TMEM232: variants seen among roughly 807,000 people sequenced by gnomAD.
The protein encoded by TMEM232 is transmembrane protein 232.
TMEM232 carries 80 observed loss-of-function variants against 78.8 expected under a neutral mutation model. The ratio of observed to expected loss-of-function variants is 1.01; its 90% CI spans 0.85 to 1.22. The LOEUF is 1.22. Among genes scored for constraint, TMEM232 ranks in the 50% most tolerant of loss-of-function variants. TMEM232 has a pLI of 0.00. For missense variants in TMEM232, 881 were observed against 742.2 expected (o/e 1.19, Z -2.17); for synonymous variants, 297 against 254.3 (o/e 1.17, Z -1.60).
chr5:110,680,411 A>AAG (rs1296805488), intron 1 of TMEM232, among the ~76,000 whole-genome samples: 1 of 150,486 alleles, frequency 6.6e-6, no homozygotes, highest in African/African-American at 2.4e-5. Flanking sequence ...AAAAAAAAAA[A>AAG]AAAAAAAAAA....
intron 1 of TMEM232, among the ~76,000 whole-genome samples, chr5:110,692,350 C>A (rs1794225648): frequency 6.6e-6 from 1 of 152,198 alleles, no homozygotes; most frequent in African/African-American, 2.4e-5. Context: ...AGCAGCAGCT[C>A]CAGTCTACAG....
intron 2 of TMEM232, among the ~76,000 whole-genome samples, chr5:110,406,848 G>A (rs184513436): frequency 1.2e-4 from 18 of 152,160 alleles, no homozygotes; most frequent in African/African-American, 3.8e-4. Flanking sequence ...GTGGAAATGA[G>A]GTTAGATTGT....
At chr5:110,556,896 C>A (rs1775154418) in intron 11 of TMEM232, among the ~76,000 whole-genome samples, 1 of 152,060 alleles carries the variant, frequency 6.6e-6, no homozygotes, top group Admixed American at 6.6e-5. Flanking sequence ...CACATAGTTG[C>A]TCTGAATTTG....
chr5:110,407,888 C>A (rs1256678173), intron 2 of TMEM232, among the ~76,000 whole-genome samples: 1 of 151,990 alleles, frequency 6.6e-6, no homozygotes, highest in East Asian at 1.9e-4. Context: ...AAAATACAGA[C>A]AAGATTAGAT....
At chr5:110,733,999 TA>T (rs544058172) in intron 2 of TMEM232, among the ~76,000 whole-genome samples, 67 of 152,214 alleles carry the variant, frequency 4.4e-4, no homozygotes, top group Non-Finnish European at 9.3e-4. Flanking sequence ...TTAAACTTAC[TA>T]AAAGATAAAA....
At chr5:110,594,238 C>T (rs530050329) in intron 10 of TMEM232, among the ~76,000 whole-genome samples, 2 of 151,902 alleles carry the variant, frequency 1.3e-5, no homozygotes, top group Non-Finnish European at 2.9e-5. Flanking sequence ...GGAGAAGCCC[C>T]GAGGGACTGT....
At chr5:110,717,626 T>A (rs763311793) in intron 1 of TMEM232, among the ~76,000 whole-genome samples, 4 of 152,150 alleles carry the variant, frequency 2.6e-5, no homozygotes, top group Non-Finnish European at 5.9e-5. Context: ...AAATCTCATC[T>A]CGAATTGTAA....
At chr5:110,609,764 C>G (rs369578253) in intron 8 of TMEM232, among the ~76,000 whole-genome samples, 5 of 152,146 alleles carry the variant, frequency 3.3e-5, no homozygotes, top group African/African-American at 1.2e-4. Context: ...TGAACACAAA[C>G]CTCTTATTTA....
At chr5:110,401,258 G>A (rs553962169) in intron 2 of TMEM232, among the ~76,000 whole-genome samples, 3 of 151,132 alleles carry the variant, frequency 2.0e-5, no homozygotes, top group African/African-American at 7.4e-5. Flanking sequence ...ATAGCATAAA[G>A]GCAACTTGAC....
intron 1 of TMEM232, among the ~76,000 whole-genome samples, chr5:110,735,506 T>A (rs1404711369): frequency 1.3e-5 from 2 of 152,214 alleles, no homozygotes; most frequent in African/African-American, 4.8e-5. Flanking sequence ...TGCCTAATAA[T>A]ATCCTCCACC....
At chr5:110,620,975 G>T (rs544699267) in intron 7 of TMEM232, among the ~76,000 whole-genome samples, 8 of 142,544 alleles carry the variant, frequency 5.6e-5, no homozygotes, top group African/African-American at 2.1e-4. Context: ...CAATTCTCCT[G>T]TCTCAGCCTG....
intron 12 of TMEM232, among the ~76,000 whole-genome samples, chr5:110,439,239 C>A (rs1758766162): frequency 6.6e-6 from 1 of 152,096 alleles, no homozygotes; most frequent in African/African-American, 2.4e-5. Flanking sequence ...AAACAGTTTC[C>A]TTGGCTACTT....
In TMEM232 at chr5:110,451,421, T is replaced by C. The variant is rs574006932; in HGVS notation, c.1704-26505A>G. ...TATTTCAACAGCTCTAAAACTTTGA[T>C]GGCATCTCTTTGCTTAAAAAAGAAA... On this transcript the variant is annotated intron_variant, in intron 12 of 13. Coordinates refer to ENST00000455884, the MANE Select transcript of TMEM232 (RefSeq NM_001039763.4). Among the ~76,000 whole-genome samples the C allele has an allele frequency of 3.3e-5, 5 of 152,326 alleles. No individual in the cohort carries two copies. In the East Asian group the frequency reaches 5.8e-4, roughly 18 times the overall value.
intron 1 of TMEM232, among the ~76,000 whole-genome samples, chr5:110,697,561 C>CTAA (rs1794944781): frequency 6.6e-6 from 1 of 151,842 alleles, no homozygotes; most frequent in Non-Finnish European, 1.5e-5. Flanking sequence ...TGACAAAGGG[C>CTAA]TAATATCCAG....
At chr5:110,491,929 A>T (rs1250606014) in intron 12 of TMEM232, among the ~76,000 whole-genome samples, 2 of 151,942 alleles carry the variant, frequency 1.3e-5, no homozygotes, top group Non-Finnish European at 2.9e-5. Context: ...TATATCAATA[A>T]ATTTCAGTCT....
At chr5:110,502,369 A>C (rs1766363928) in intron 12 of TMEM232, among the ~76,000 whole-genome samples, 5 of 152,236 alleles carry the variant, frequency 3.3e-5, no homozygotes, top group Admixed American at 3.3e-4. Context: ...CAAATTTTTC[A>C]GTCACTGAGT....
intron 12 of TMEM232, among the ~76,000 whole-genome samples, chr5:110,429,156 A>C (rs1001937192): frequency 2.6e-5 from 4 of 151,836 alleles, no homozygotes; most frequent in African/African-American, 9.7e-5. Flanking sequence ...ATAAACAGCC[A>C]TTCACGGTAT....
downstream of TMEM232, among the ~76,000 whole-genome samples, chr5:110,415,369 T>C (rs1756160421): frequency 6.6e-6 from 1 of 151,892 alleles, no homozygotes; most frequent in South Asian, 2.1e-4. Context: ...TTTGTATTTT[T>C]AGTAGAGATG....
intron 1 of TMEM232, among the ~76,000 whole-genome samples, chr5:110,676,134 G>GGT (rs1791994935): frequency 6.6e-6 from 1 of 152,044 alleles, no homozygotes; most frequent in African/African-American, 2.4e-5. Flanking sequence ...CATATCATTA[G>GGT]GTATATATAC....
Sources: gnomAD v4.1 joint callset for allele counts (sites outside exome capture counted in the v4.1 genomes callset) on GRCh38, gnomAD v4.1.1 for gene constraint, MANE v1.5 for transcripts, NCBI Gene and HGNC (gene_info 2026-07-23, HGNC 2026-07-21) for gene names.